NUDT7: variants seen among roughly 807,000 people sequenced by gnomAD.
NUDT7 encodes peroxisomal coenzyme A diphosphatase NUDT7.
NUDT7 carries 19 observed loss-of-function variants against 13.1 expected under a neutral mutation model. That is an observed-to-expected ratio of 1.45 (90% confidence interval 1.01 to 2.13). The LOEUF (loss-of-function observed/expected upper bound fraction) is 2.13. Among genes scored for constraint, NUDT7 ranks in the 30% most tolerant of loss-of-function variants. NUDT7 has a pLI of 0.00. For missense variants in NUDT7, 360 were observed against 291.7 expected, an observed-to-expected ratio of 1.23 and a Z score of -1.71; for synonymous variants, 132 against 109.7, an observed-to-expected ratio of 1.20 and a Z score of -1.27.
rs199760367 is a variant in NUDT7 at position 77,725,573 on chromosome 16, C to T, written c.178C>T (p.Arg60Trp). Residue 60 changes from arginine to tryptophan, a missense_variant, in exon 2 of 4, where the codon CGG becomes TGG. Arg to Trp is a moderately radical substitution (Grantham distance 101). Transcript: ENST00000268533. ...AAAACTCCATTTGTTGTTCACCGTC[C>T]GGTCAGAGAAGGTAGGTGGACAAAA... ...EGKLHLLFTV[R>W]SEKLRRAPGE... The T allele has an allele frequency of 1.8e-4, 292 of 1,613,866 alleles. No homozygotes were observed. Among genetic ancestry groups the T allele is most frequent in the Admixed American group, 3.2e-4 (19 of 59,974 alleles).
At chr16:77,741,538 A>G (rs1354878386) in intron 3 of NUDT7, 44 bp from the exon 4 acceptor site, 6 of 1,482,494 alleles carry the variant, frequency 4.0e-6, no homozygotes, top group Non-Finnish European at 3.6e-6. Flanking sequence ...TTGAAGCAGT[A>G]TCACTTCACT....
intron 2 of NUDT7, among the ~76,000 whole-genome samples, chr16:77,734,166 T>G (rs953032098): frequency 6.6e-6 from 1 of 152,154 alleles, no homozygotes; most frequent in African/African-American, 2.4e-5. Flanking sequence ...ATATTTTTTG[T>G]GTCTTACTAA....
intron 2 of NUDT7, among the ~76,000 whole-genome samples, chr16:77,726,521 G>C (rs1312720076): frequency 6.6e-6 from 1 of 152,168 alleles, no homozygotes; most frequent in Non-Finnish European, 1.5e-5. Context: ...CTGAGGCTGG[G>C]TATGGTGGCT....
At chr16:77,722,819 G>C (rs1338617409) in intron 1 of NUDT7, among the ~76,000 whole-genome samples, 1 of 152,188 alleles carries the variant, frequency 6.6e-6, no homozygotes, top group Non-Finnish European at 1.5e-5. Flanking sequence ...AACAGAGCCG[G>C]CTTAAGCCAG....
At chr16:77,729,161 A>G (rs2014234739) in intron 2 of NUDT7, among the ~76,000 whole-genome samples, 1 of 152,220 alleles carries the variant, frequency 6.6e-6, no homozygotes, top group Non-Finnish European at 1.5e-5. Context: ...TTGCAGTGCT[A>G]ATAGTTTTTG....
At chr16:77,725,331 A>T in intron 1 of NUDT7, 100 bp from the exon 2 acceptor site, 1 of 1,055,506 alleles carries the variant, frequency 9.5e-7, no homozygotes, top group East Asian at 2.4e-5. Context: ...GAAATGGCAA[A>T]CTCCTAAATA....
intron 2 of NUDT7, 43 bp downstream of exon 2, chr16:77,725,627 C>T (rs749453278): frequency 1.9e-6 from 3 of 1,574,762 alleles, no homozygotes; most frequent in East Asian, 2.3e-5. Flanking sequence ...CTCAGGACAT[C>T]AGAAGACCTC....
At chr16:77,724,700 G>T (rs1410596906) in intron 1 of NUDT7, among the ~76,000 whole-genome samples, 3 of 152,142 alleles carry the variant, frequency 2.0e-5, no homozygotes, top group Non-Finnish European at 2.9e-5. Context: ...AGGGGTGAGG[G>T]GATACTGTTC....
intron 2 of NUDT7, among the ~76,000 whole-genome samples, chr16:77,732,134 C>G (rs993172445): frequency 5.3e-5 from 8 of 152,046 alleles, no homozygotes; most frequent in African/African-American, 1.7e-4. Flanking sequence ...TCGAGACCAG[C>G]CTGGCCAACA....
rs77438691 is a variant in NUDT7 at position 77,741,360 on chromosome 16, A to T, written c.349-222A>T. 2.0e-3 allele frequency: 1,026 copies of T among 504,310 alleles called. 4 individuals are homozygous for T. The highest frequency in any genetic ancestry group is 5.3e-3 in the Middle Eastern group (10 of 1,900). 31.2% of individuals were successfully genotyped at this position (504,310 alleles called of 1,614,324 possible). Reference sequence around the variant, plus strand: ...CAAAAGATTGTACTACTTTATGTTCATACAAGAAATCATTTTCAGAGTCAT... The same window carrying T: ...CAAAAGATTGTACTACTTTATGTTCTTACAAGAAATCATTTTCAGAGTCAT... On this transcript the variant is annotated intron_variant, in intron 3 of 3. Transcript: ENST00000268533.
At chr16:77,736,433 A>G (rs568617416) in intron 3 of NUDT7, among the ~76,000 whole-genome samples, 75 of 152,312 alleles carry the variant, frequency 4.9e-4, no homozygotes, top group African/African-American at 1.5e-3. Context: ...TCTACATACT[A>G]TAGAATAAAG....
chr16:77,735,552 G>A, intron 2 of NUDT7: 2 of 544,112 alleles, frequency 3.7e-6, no homozygotes, highest in Non-Finnish European at 6.6e-6. Context: ...CCCAGTCTCA[G>A]TTATTTATTT....
At chr16:77,733,628 A>G (rs1010455994) in intron 2 of NUDT7, among the ~76,000 whole-genome samples, 4 of 152,220 alleles carry the variant, frequency 2.6e-5, no homozygotes, top group East Asian at 1.9e-4. Context: ...GAGCTTCTCA[A>G]TGTCCAGGAC....
At position 77,733,478 on chromosome 16, in the gene NUDT7, T is replaced by C. The variant is rs541932728; in HGVS notation, c.190-2350T>C. Among the ~76,000 whole-genome samples the C allele has an allele frequency of 2.0e-5, 3 of 152,326 alleles. No homozygotes were observed. The South Asian group carries it at 6.2e-4, about 32-fold the overall frequency. ...AACACCTCCCAAAGATCCCACCTCC[T>C]AATACCATCACCTTAGGGGTAAGGA... On this transcript the variant is annotated intron_variant, in intron 2 of 3. Coordinates refer to ENST00000268533, the MANE Select transcript of NUDT7 (RefSeq NM_001105663.3).
chr16:77,741,641 G>T lies in NUDT7; in HGVS notation c.408G>T (p.Pro136=). The part of the protein sequence containing the change: ...GLIDHNFQAQ[P]NPAEVKDVFL... ...TAGACCACAACTTCCAGGCCCAGCCGAATCCTGCTGAAGTTAAGGATGTAT... is the reference window on the plus strand; with the variant it reads ...TAGACCACAACTTCCAGGCCCAGCCTAATCCTGCTGAAGTTAAGGATGTAT... Residue 136 remains proline, a synonymous_variant, in exon 4 of 4, where the codon CCG becomes CCT. Coordinates refer to ENST00000268533, the MANE Select transcript of NUDT7 (RefSeq NM_001105663.3). The T allele has an allele frequency of 6.2e-7, 1 of 1,613,848 alleles. No homozygotes were observed.
At chr16:77,736,622 A>C in intron 3 of NUDT7, 1 of 223,456 alleles carries the variant, frequency 4.5e-6, no homozygotes, top group Admixed American at 4.9e-5. Flanking sequence ...ACCACATCTT[A>C]TTTTCTTTTT....
chr16:77,735,290 T>A, intron 2 of NUDT7: 1 of 408,212 alleles, frequency 2.4e-6, no homozygotes, highest in East Asian at 3.5e-5. Flanking sequence ...GTGGGCGGAT[T>A]TCCCCCTTGG....
chr16:77,729,003 A>G (rs2014230283), intron 2 of NUDT7, among the ~76,000 whole-genome samples: 2 of 152,146 alleles, frequency 1.3e-5, no homozygotes, highest in Admixed American at 1.3e-4. Context: ...GCAAGAGAAA[A>G]TTCAGGAACA....
chr16:77,722,554 C>A lies in NUDT7; in HGVS notation c.-29C>A, dbSNP rs199913954. On this transcript the variant is annotated 5_prime_UTR_variant, in exon 1 of 4. Coordinates refer to ENST00000268533, the MANE Select transcript of NUDT7 (RefSeq NM_001105663.3). ...GACCGACCGAGCAGCTCCGAGGAGT[C>A]CGCCCGGAAACAAACATTCCCCAGG... The A allele has an allele frequency of 4.4e-5, 69 of 1,572,074 alleles. No homozygotes were observed. The East Asian group carries it at 7.0e-4, about 16-fold the overall frequency.
Sources: allele counts gnomAD v4.1 joint callset (sites outside exome capture counted in the v4.1 genomes callset), GRCh38; gene constraint gnomAD v4.1.1; transcripts MANE v1.5; gene names NCBI Gene and HGNC (gene_info 2026-07-23, HGNC 2026-07-21).